Variants in ZNF362 observed in about 807,000 individuals in gnomAD.
ZNF362 encodes the protein rotund homolog.
In ZNF362, 11 loss-of-function variants were observed where a neutral mutation model predicts 42.9. That is an observed-to-expected ratio of 0.26 (90% CI 0.16 to 0.42). The LOEUF (loss-of-function observed/expected upper bound fraction) is 0.42, where lower values mean the gene tolerates loss of function less well. Among genes scored for constraint, ZNF362 ranks in the 20% least tolerant of loss-of-function variants. ZNF362 has a pLI of 1.00. For missense variants in ZNF362, 362 were observed against 576.2 expected, an observed-to-expected ratio of 0.63 and a Z score of 3.81; for synonymous variants, 255 against 257.3, an observed-to-expected ratio of 0.99 and a Z score of 0.09.
chr1:33,235,105 G>A, the ZNF362 span, among the ~76,000 whole-genome samples: 32 of 152,292 alleles, frequency 2.1e-4, no homozygotes, highest in Non-Finnish European at 2.8e-4. Context: ...CGTAGGAAAT[G>A]TCTGTCTGTA....
At chr1:33,159,963 A>AG in the ZNF362 span, 1 of 1,595,450 alleles carries the variant, frequency 6.3e-7, no homozygotes, top group Admixed American at 1.7e-5. The surrounding 1 kb of genome is among the most constrained non-coding windows in gnomAD (Gnocchi z 4.2). Flanking sequence ...GACAGTCGTC[A>AG]GGGGTTATGG....
chr1:33,158,424 C>A, the ZNF362 span: 1 of 1,499,762 alleles, frequency 6.7e-7, no homozygotes, highest in Non-Finnish European at 9.3e-7. Context: ...TGCCCCAATG[C>A]CAGGGGCCCC....
chr1:33,194,232 A>C, the ZNF362 span, among the ~76,000 whole-genome samples: 1 of 152,140 alleles, frequency 6.6e-6, no homozygotes, highest in Non-Finnish European at 1.5e-5. Flanking sequence ...AAATTATAAT[A>C]GTATGGAATA....
rs780325693 is a variant in ZNF362 at position 33,280,102 on chromosome 1, C to G, written c.350-22C>G. The G allele has an allele frequency of 5.4e-5, 83 of 1,543,858 alleles. No individual in the cohort carries two copies. In the Middle Eastern group the frequency reaches 1.6e-3, roughly 29 times the overall value. ...CCTCTGCAGCTCCGCTCACCCCTGC[C>G]CCCACCCACCTGTCTTCGCAGGTCT... On this transcript the variant is annotated intron_variant, in intron 4 of 8. Coordinates refer to ENST00000539719, the MANE Select transcript of ZNF362 (RefSeq NM_152493.3). This position sits in a 1 kb window ranked among gnomAD's most constrained non-coding sequence, Gnocchi z 5.6.
the ZNF362 span, among the ~76,000 whole-genome samples, chr1:33,199,080 C>T: frequency 6.6e-6 from 1 of 151,962 alleles, no homozygotes; most frequent in Non-Finnish European, 1.5e-5. Flanking sequence ...TTTGGAGTCC[C>T]TTAAGGAGAG....
At chr1:33,291,041 T>G (rs1159128469) in intron 6 of ZNF362, among the ~76,000 whole-genome samples, 2 of 152,356 alleles carry the variant, frequency 1.3e-5, no homozygotes, top group African/African-American at 4.8e-5. Context: ...GGTAGTTTCT[T>G]TTGCTGTGCA....
At chr1:33,134,935 C>T in the ZNF362 span, among the ~76,000 whole-genome samples, 1 of 152,220 alleles carries the variant, frequency 6.6e-6, no homozygotes, top group Non-Finnish European at 1.5e-5. Flanking sequence ...GGGTTCCCTC[C>T]CTGCCTCCAG....
chr1:33,197,308 C>A, the ZNF362 span, among the ~76,000 whole-genome samples: 1 of 152,172 alleles, frequency 6.6e-6, no homozygotes, highest in African/African-American at 2.4e-5. Flanking sequence ...TATTGTGGGA[C>A]TTTGCCTTGT....
intron 1 of ZNF362, among the ~76,000 whole-genome samples, chr1:33,265,921 C>T (rs969067892): frequency 1.3e-5 from 2 of 152,224 alleles, no homozygotes; most frequent in Non-Finnish European, 2.9e-5. Flanking sequence ...CCCTGACCCA[C>T]GTGATGCTGT....
the ZNF362 span, among the ~76,000 whole-genome samples, chr1:33,135,769 T>C: frequency 6.6e-6 from 1 of 152,202 alleles, no homozygotes; most frequent in South Asian, 2.1e-4. Context: ...GTCCTCAACC[T>C]ATGTGCTATC....
chr1:33,243,763 ATTT>A, the ZNF362 span, among the ~76,000 whole-genome samples: 1 of 124,078 alleles, frequency 8.1e-6, no homozygotes, highest in African/African-American at 3.0e-5. Context: ...CAACTGGCCA[ATTT>A]TTTTTTTTTT....
chr1:33,182,123 C>T, the ZNF362 span: 4 of 151,984 alleles, frequency 2.6e-5, no homozygotes, highest in South Asian at 2.1e-4. Flanking sequence ...ACTCCGCCCC[C>T]GCAGCGGGCG....
the ZNF362 span, among the ~76,000 whole-genome samples, chr1:33,178,319 T>G: frequency 6.6e-6 from 1 of 152,200 alleles, no homozygotes; most frequent in Non-Finnish European, 1.5e-5. Flanking sequence ...AAATAGCTAA[T>G]AAGCCTTGCC....
chr1:33,224,063 C>A, the ZNF362 span, among the ~76,000 whole-genome samples: 1 of 152,086 alleles, frequency 6.6e-6, no homozygotes, highest in South Asian at 2.1e-4. Context: ...ATTTTTCATA[C>A]ACAATGTTAA....
chr1:33,180,828 C>T, the ZNF362 span, among the ~76,000 whole-genome samples: 1 of 151,856 alleles, frequency 6.6e-6, no homozygotes, highest in South Asian at 2.1e-4. Context: ...AGGCCCCGCC[C>T]CCACGGCCCC....
At chr1:33,195,642 A>C in the ZNF362 span, 1 of 74,130 alleles carries the variant, frequency 1.3e-5, no homozygotes, top group Admixed American at 1.5e-4. Context: ...ATATCTAAAC[A>C]TAGAAAAGGC....
the ZNF362 span, among the ~76,000 whole-genome samples, chr1:33,166,530 T>C: frequency 1.3e-5 from 2 of 152,066 alleles, no homozygotes; most frequent in East Asian, 3.9e-4. Context: ...CATTTGGGCC[T>C]CTCAGTAACC....
At chr1:33,189,685 G>GTATATA in the ZNF362 span, among the ~76,000 whole-genome samples, 196 of 10,816 alleles carry the variant, frequency 0.018, 2 homozygotes, top group African/African-American at 0.043. Flanking sequence ...ATATATATAC[G>GTATATA]TATATATATA....
chr1:33,230,170 C>T, the ZNF362 span, among the ~76,000 whole-genome samples: 2 of 152,110 alleles, frequency 1.3e-5, no homozygotes, highest in African/African-American at 2.4e-5. Context: ...ATTTAACATT[C>T]CAATGTCTCA....
Sources: allele counts gnomAD v4.1 joint callset (sites outside exome capture counted in the v4.1 genomes callset), GRCh38; gene constraint gnomAD v4.1.1; non-coding constraint Gnocchi (gnomAD v3.1); transcripts MANE v1.5; gene names NCBI Gene and HGNC (gene_info 2026-07-23, HGNC 2026-07-21).